STAT4: variants seen among roughly 807,000 people sequenced by gnomAD.
STAT4 encodes the protein signal transducer and activator of transcription 4.
In STAT4, 42 loss-of-function variants were observed where a neutral mutation model predicts 110.5. The ratio of observed to expected loss-of-function variants is 0.38; its 90% CI spans 0.30 to 0.49. The LOEUF is 0.49. STAT4 is among the 20% of genes least tolerant of loss of function. The pLI is 0.95. For synonymous variants in STAT4, 284 were observed against 302.2 expected (o/e 0.94, Z 0.63); for missense variants, 632 against 887.9 (o/e 0.71, Z 3.66).
chr2:191,095,644 G>T (rs1202476634), intron 3 of STAT4, among the ~76,000 whole-genome samples: 5 of 152,140 alleles, frequency 3.3e-5, no homozygotes, highest in Non-Finnish European at 7.4e-5. Flanking sequence ...AGCACTAAAT[G>T]CTCACAAGAT....
chr2:191,111,559 A>G (rs775349619), intron 3 of STAT4, among the ~76,000 whole-genome samples: 1 of 152,244 alleles, frequency 6.6e-6, no homozygotes, highest in Non-Finnish European at 1.5e-5. Context: ...CCTGTTAAAA[A>G]GAAGTGCATG....
intron 3 of STAT4, among the ~76,000 whole-genome samples, chr2:191,095,730 A>C (rs749026539): frequency 2.6e-5 from 4 of 152,198 alleles, no homozygotes; most frequent in Non-Finnish European, 5.9e-5. Flanking sequence ...AAACAAATTC[A>C]AAAGCTAGCA....
rs1477758570 is a variant in STAT4 at position 191,140,932 on chromosome 2, T to C, written c.273+5681A>G. 1.3e-5 allele frequency among the ~76,000 whole-genome samples: 2 copies of C among 152,206 alleles called. No individual in the cohort carries two copies. The highest frequency in any genetic ancestry group is 2.9e-5 in the Non-Finnish European group (2 of 68,044). ...ATAAAAAGGAATGAAATAATGTCTT[T>C]TGCAGCAACCTGGATAAAACTGGAG... On this transcript the variant is annotated intron_variant, in intron 3 of 23. Coordinates refer to ENST00000392320, the MANE Select transcript of STAT4 (RefSeq NM_003151.4). The surrounding 1 kb of genome is among the most constrained non-coding windows in gnomAD (Gnocchi z 4.4).
In STAT4 at chr2:191,086,656, T is replaced by C. The variant is rs918304684; in HGVS notation, c.274-10331A>G. ...ATCAGATTCTAGCCTTGTCTATTCTTTTTCAGTTTTTAGTATTTGCTACAA... is the reference window on the plus strand; with the variant it reads ...ATCAGATTCTAGCCTTGTCTATTCTCTTTCAGTTTTTAGTATTTGCTACAA... On this transcript the variant is annotated intron_variant, in intron 3 of 23. Transcript: ENST00000392320. This position sits in a 1 kb window ranked among gnomAD's most constrained non-coding sequence, Gnocchi z 5.5. Among the ~76,000 whole-genome samples the C allele has an allele frequency of 6.6e-6, 1 of 151,070 alleles. No homozygotes were observed. The highest frequency in any genetic ancestry group is 1.9e-4 in the East Asian group (1 of 5,190).
chr2:191,075,837 C>CTT (rs71407854), intron 4 of STAT4, among the ~76,000 whole-genome samples: 1,238 of 121,404 alleles, frequency 0.01, 7 homozygotes, highest in African/African-American at 0.032. Flanking sequence ...TTCTTTCTTT[C>CTT]TTTTTTTTTT....
Position 191,150,419 on chromosome 2 carries a change from C to T in STAT4, c.-2+528G>A, listed in dbSNP as rs556557821. On this transcript the variant is annotated intron_variant, in intron 1 of 23. Coordinates refer to ENST00000392320, the MANE Select transcript of STAT4 (RefSeq NM_003151.4). The surrounding 1 kb of genome is among the most constrained non-coding windows in gnomAD (Gnocchi z 6.4). ...TTTGCGTGCATTTCCTAGAAGATCC[C>T]ACTAAAGGGGCATTTTGTCCCACCG... is the stretch of plus-strand genomic sequence containing the variant. Among the ~76,000 whole-genome samples the T allele has an allele frequency of 1.3e-5, 2 of 152,302 alleles. No individual in the cohort carries two copies. Among genetic ancestry groups the T allele is most frequent in the South Asian group, 4.1e-4 (2 of 4,822 alleles).
chr2:191,110,348 T>C lies in STAT4; in HGVS notation c.274-34023A>G, dbSNP rs1390617102. Among the ~76,000 whole-genome samples, 1 of 152,298 alleles carries C rather than the reference T, an allele frequency of 6.6e-6. No homozygotes were observed. Among genetic ancestry groups the C allele is most frequent in the Admixed American group, 6.5e-5 (1 of 15,290 alleles). On this transcript the variant is annotated intron_variant, in intron 3 of 23. Transcript: ENST00000392320. The surrounding 1 kb of genome is among the most constrained non-coding windows in gnomAD (Gnocchi z 4.5). ...GCTAAAGTCTTCAAAATAAGGGACA[T>C]GGGAGGAGCTAGCACTGGGGAATAA...
At chr2:191,080,277 A>G (rs1310505115) in intron 3 of STAT4, among the ~76,000 whole-genome samples, 2 of 152,108 alleles carry the variant, frequency 1.3e-5, no homozygotes, top group Non-Finnish European at 2.9e-5. Context: ...ATTTACTAAT[A>G]TATCAGTATT....
At chr2:191,145,427 G>A (rs1215504675) in intron 3 of STAT4, among the ~76,000 whole-genome samples, 1 of 152,134 alleles carries the variant, frequency 6.6e-6, no homozygotes, top group Non-Finnish European at 1.5e-5. Flanking sequence ...TGTGGGCCAT[G>A]GCATGCCAAT....
At chr2:191,118,940 T>A (rs1236946460) in intron 3 of STAT4, among the ~76,000 whole-genome samples, 2 of 152,116 alleles carry the variant, frequency 1.3e-5, no homozygotes, top group Non-Finnish European at 2.9e-5. Context: ...TTCTAATTTT[T>A]GTTTTTGGAA....
Position 191,135,773 on chromosome 2 carries a change from G to T in STAT4, c.273+10840C>A, listed in dbSNP as rs1699163466. Among the ~76,000 whole-genome samples, 1 of 152,026 alleles carries T rather than the reference G, an allele frequency of 6.6e-6. No homozygotes were observed. Among genetic ancestry groups the T allele is most frequent in the African/African-American group, 2.4e-5 (1 of 41,388 alleles). ...TGTGCCAACACACTTGACCTTTACT[G>T]CCAAATTCTATCAAACTTTCATAGA... On this transcript the variant is annotated intron_variant, in intron 3 of 23. Transcript: ENST00000392320. The surrounding 1 kb of genome is among the most constrained non-coding windows in gnomAD (Gnocchi z 4.8).
At chr2:191,122,327 GA>G (rs71030324) in intron 3 of STAT4, among the ~76,000 whole-genome samples, 84,867 of 139,730 alleles carry the variant, frequency 0.61, 25,125 homozygotes, top group East Asian at 0.71. Context: ...TCATAAAAAT[GA>G]AAAAAAAAAA....
Position 191,135,705 on chromosome 2 carries a change from T to C in STAT4, c.273+10908A>G, listed in dbSNP as rs1469930608. Among the ~76,000 whole-genome samples, 1 of 152,172 alleles carries C rather than the reference T, an allele frequency of 6.6e-6. No homozygotes were observed. Among genetic ancestry groups the C allele is most frequent in the Non-Finnish European group, 1.5e-5 (1 of 68,026 alleles). On this transcript the variant is annotated intron_variant, in intron 3 of 23. Transcript: ENST00000392320. This position sits in a 1 kb window ranked among gnomAD's most constrained non-coding sequence, Gnocchi z 4.8. ...CTGGTCTCAAACTCCTGACCTCAGG[T>C]GGTCACCTGCCTCAGCTTCCCAAAG...
intron 3 of STAT4, among the ~76,000 whole-genome samples, chr2:191,133,553 A>T (rs1699100351): frequency 6.6e-6 from 1 of 151,634 alleles, no homozygotes; most frequent in African/African-American, 2.4e-5. Flanking sequence ...CTGGAATGAC[A>T]CCTATCAAAT....
chr2:191,108,915 T>C (rs1698352390), intron 3 of STAT4, among the ~76,000 whole-genome samples: 2 of 152,244 alleles, frequency 1.3e-5, no homozygotes, highest in Admixed American at 1.3e-4. Context: ...CTACACTTTC[T>C]GAAAAATAAA....
intron 13 of STAT4, among the ~76,000 whole-genome samples, chr2:191,055,310 T>C (rs912505700): frequency 5.9e-5 from 9 of 151,550 alleles, no homozygotes; most frequent in African/African-American, 2.2e-4. Flanking sequence ...GCCATTTTCC[T>C]GCCTCAGCCT....
At chr2:191,133,012 C>T (rs1300108334) in intron 3 of STAT4, among the ~76,000 whole-genome samples, 1 of 151,448 alleles carries the variant, frequency 6.6e-6, no homozygotes, top group Non-Finnish European at 1.5e-5. Context: ...CCTCGGCCTC[C>T]CAAAGTGCTG....
rs1699399247 is a variant in STAT4, at chr2:191,143,991, A to G, written c.273+2622T>C. Among the ~76,000 whole-genome samples, 1 of 152,232 alleles carries G rather than the reference A, an allele frequency of 6.6e-6. No individual in the cohort carries two copies. Among genetic ancestry groups the G allele is most frequent in the Admixed American group, 6.5e-5 (1 of 15,286 alleles). ...TACTAGCTTCTGTGTTGTTAATACA[A>G]ATGCCCAGTAAGCACAATTTATAAA... is the stretch of plus-strand genomic sequence containing the variant. On this transcript the variant is annotated intron_variant, in intron 3 of 23. Transcript: ENST00000392320. This position sits in a 1 kb window ranked among gnomAD's most constrained non-coding sequence, Gnocchi z 5.6.
rs1302232541 is a variant in STAT4 at position 191,091,762 on chromosome 2, TA to T, written c.274-15438del. On this transcript the variant is annotated intron_variant, in intron 3 of 23. Coordinates refer to ENST00000392320, the MANE Select transcript of STAT4 (RefSeq NM_003151.4). This position sits in a 1 kb window ranked among gnomAD's most constrained non-coding sequence, Gnocchi z 5.4. ...CTGTCATCCTGAGTATACAGCTAGG[TA>T]AACTGAGATAAAGAACTGTTAAGTA... 1.3e-5 allele frequency among the ~76,000 whole-genome samples: 2 copies of T among 152,196 alleles called. No individual in the cohort carries two copies. The highest frequency in any genetic ancestry group is 4.8e-5 in the African/African-American group (2 of 41,440).
Sources: gnomAD v4.1 joint callset for allele counts (sites outside exome capture counted in the v4.1 genomes callset) on GRCh38, gnomAD v4.1.1 for gene constraint, Gnocchi (gnomAD v3.1) non-coding constraint, MANE v1.5 for transcripts, NCBI Gene and HGNC (gene_info 2026-07-23, HGNC 2026-07-21) for gene names.